Variants in NBEAL1 observed in about 807,000 individuals in gnomAD.
NBEAL1 encodes neurobeachin-like protein 1.
Under a neutral mutation model 351.3 loss-of-function variants are expected in NBEAL1, and 273 were observed. That is an observed-to-expected ratio of 0.78 (90% CI 0.70 to 0.86). The LOEUF is 0.86. Among genes scored for constraint, NBEAL1 ranks in the 40% least tolerant of loss-of-function variants. The pLI is 0.00. For synonymous variants in NBEAL1, 1,050 were observed against 1,086.4 expected, an observed-to-expected ratio of 0.97 and a Z score of 0.66; for missense variants, 2,961 against 3,201.3, an observed-to-expected ratio of 0.92 and a Z score of 1.81.
chr2:203,169,734 C>T lies in NBEAL1; in HGVS notation c.5998-13C>T. On this transcript the variant is annotated splice_polypyrimidine_tract_variant and intron_variant, in intron 38 of 55. Transcript: ENST00000683969. ...TGATTCATTTTTAAAGTATAAAATG[C>T]TGTTTTTTATAGGTTAGAAACAAAA... The T allele has an allele frequency of 6.8e-7, 1 of 1,466,024 alleles. No homozygotes were observed. Among genetic ancestry groups the T allele is most frequent in the South Asian group, 1.2e-5 (1 of 83,012 alleles). The allele number at this position is 1,466,024 out of a possible 1,614,324, so 90.8% of individuals were successfully genotyped here. A position where few individuals can be genotyped will look rare whatever the true frequency, so the allele number is the denominator to read the frequency against.
chr2:203,116,683 G>A (rs1321840975), intron 18 of NBEAL1, among the ~76,000 whole-genome samples: 1 of 151,220 alleles, frequency 6.6e-6, no homozygotes, highest in Admixed American at 6.6e-5. Context: ...CCAGCTACTT[G>A]GGAGGCAAAG....
rs1375748696 is a variant in NBEAL1 at position 203,217,963 on chromosome 2, A to C, written c.*609A>C. ...GTTACTGAAATCTATTACTGTCCTT[A>C]ATAAAAATTGAGTAGAAAAAAGTGG... is the stretch of plus-strand genomic sequence containing the variant. On this transcript the variant is annotated 3_prime_UTR_variant, in exon 56 of 56. Coordinates refer to ENST00000683969, the MANE Select transcript of NBEAL1 (RefSeq NM_001378026.1). The C allele has an allele frequency of 3.3e-5, 31 of 928,910 alleles. No individual in the cohort carries two copies. The highest frequency in any genetic ancestry group is 3.9e-5 in the Non-Finnish European group (30 of 778,676). 57.5% of individuals were successfully genotyped at this position (928,910 alleles called of 1,614,324 possible).
chr2:203,030,083 A>T (rs975342539), intron 2 of NBEAL1, among the ~76,000 whole-genome samples: 2 of 152,234 alleles, frequency 1.3e-5, no homozygotes, highest in Non-Finnish European at 2.9e-5. Flanking sequence ...TAGTTACAGA[A>T]GATGTTCCAG....
chr2:203,172,053 G>C (rs1428951309), intron 40 of NBEAL1, 30 bp downstream of exon 40: 3 of 1,310,502 alleles, frequency 2.3e-6, no homozygotes, highest in Admixed American at 4.5e-5. Flanking sequence ...TATAAATGTG[G>C]AATTGCCCTA....
chr2:203,142,689 A>G (rs1211861942), intron 31 of NBEAL1, among the ~76,000 whole-genome samples: 1 of 152,206 alleles, frequency 6.6e-6, no homozygotes, highest in Non-Finnish European at 1.5e-5. Flanking sequence ...TGGATATTTA[A>G]CTTTTTATGT....
At position 203,183,329 on chromosome 2, in the gene NBEAL1, A is replaced by G; in HGVS notation, c.6646A>G (p.Ile2216Val). The change falls in exon 44 of 56, where the codon ATT becomes GTT. Residue 2216 changes from isoleucine (I) to valine (V), a missense_variant. Transcript: ENST00000683969. ...QISKELVNDV[I>V]LPKWAKSAED... ...TTCCAAAGAATTAGTAAATGATGTC[A>G]TTCTCCCGAAATGGGCTAAATCAGC... is the stretch of plus-strand genomic sequence containing the variant. The G allele has an allele frequency of 2.5e-6, 4 of 1,604,068 alleles. No homozygotes were observed. Among genetic ancestry groups the G allele is most frequent in the Non-Finnish European group, 3.4e-6 (4 of 1,176,102 alleles).
chr2:203,044,798 A>G (rs569358079), intron 3 of NBEAL1, among the ~76,000 whole-genome samples: 1 of 152,342 alleles, frequency 6.6e-6, no homozygotes, highest in Non-Finnish European at 1.5e-5. Flanking sequence ...CTGACCTTAG[A>G]GAATTCATAA....
intron 10 of NBEAL1, among the ~76,000 whole-genome samples, chr2:203,092,558 C>CT (rs1053922462): frequency 2.0e-4 from 31 of 152,194 alleles, no homozygotes; most frequent in African/African-American, 6.7e-4. Flanking sequence ...GAGTGAGACT[C>CT]TGTCTCAAAA....
intron 25 of NBEAL1, 123 bp downstream of exon 25, chr2:203,130,599 T>G: frequency 5.1e-6 from 3 of 592,306 alleles, no homozygotes; most frequent in Non-Finnish European, 7.5e-6. Flanking sequence ...GATGTTCAAC[T>G]TATTTTTATA....
At position 203,108,130 on chromosome 2, in the gene NBEAL1, C is replaced by T. The variant is rs752435785; in HGVS notation, c.1891C>T (p.Gln631Ter). 5.2e-6 allele frequency: 8 copies of T among 1,552,042 alleles called. No homozygotes were observed. Among genetic ancestry groups the T allele is most frequent in the Non-Finnish European group, 7.0e-6 (8 of 1,147,070 alleles). ...TTTCAGTGCTTGGTTTTGCTTAGAC[C>T]AGGATCAGTTGACTCTTGGCATTGC... ...FSFSAWFCLDQDQLTLGIANK... is the reference protein window; with the variant it reads ...FSFSAWFCLD Residue 631 changes from glutamine (Q) to a stop codon, truncating the protein, a stop_gained, in exon 14 of 56, where the codon CAG (glutamine) becomes TAG (stop). Coordinates refer to ENST00000683969, the MANE Select transcript of NBEAL1 (RefSeq NM_001378026.1). LOFTEE classifies it high-confidence loss of function.
chr2:203,128,377 G>A (rs2062994797), intron 24 of NBEAL1, among the ~76,000 whole-genome samples: 1 of 150,800 alleles, frequency 6.6e-6, no homozygotes, highest in South Asian at 2.1e-4. Context: ...CAAAGTGCTA[G>A]GATTACAGGC....
intron 35 of NBEAL1, among the ~76,000 whole-genome samples, chr2:203,152,408 G>A (rs1249337645): frequency 6.1e-5 from 9 of 147,074 alleles, no homozygotes; most frequent in African/African-American, 2.2e-4. Flanking sequence ...GGCCAACATA[G>A]TGAAACCCCG....
chr2:203,166,109 T>C (rs775201453), intron 36 of NBEAL1, 40 bp from the exon 37 acceptor site: 1 of 1,490,292 alleles, frequency 6.7e-7, no homozygotes, highest in East Asian at 2.5e-5. Context: ...GAAAAATAAA[T>C]GGTTGAATTT....
intron 46 of NBEAL1, among the ~76,000 whole-genome samples, 196 bp from the exon 47 acceptor site, chr2:203,193,599 A>G (rs1559054219): frequency 1.3e-5 from 2 of 152,192 alleles, no homozygotes; most frequent in African/African-American, 2.4e-5. Context: ...GAAAAACTTT[A>G]AAGTAGAAGT....
intron 27 of NBEAL1, among the ~76,000 whole-genome samples, chr2:203,133,951 T>C (rs1157901358): frequency 6.6e-6 from 1 of 152,050 alleles, no homozygotes; most frequent in Non-Finnish European, 1.5e-5. Flanking sequence ...GACATTTAGG[T>C]TGTTTCCTGC....
chr2:203,160,944 G>A (rs576962029), intron 36 of NBEAL1, among the ~76,000 whole-genome samples: 1 of 152,282 alleles, frequency 6.6e-6, no homozygotes, highest in South Asian at 2.1e-4. Flanking sequence ...TATAATCCCA[G>A]CTATTCAGGA....
Position 203,166,027 on chromosome 2 carries a change from A to G in NBEAL1, c.5715-122A>G, listed in dbSNP as rs2064119103. ...GTGCCACTGCACTCCAGCCTGGGTG[A>G]CAGCAAGACCTTGTCTCAAAAAAAA... On this transcript the variant is annotated intron_variant, in intron 36 of 55. Coordinates refer to ENST00000683969, the MANE Select transcript of NBEAL1 (RefSeq NM_001378026.1). 4 of 871,362 alleles carry G rather than the reference A, an allele frequency of 4.6e-6. No individual in the cohort carries two copies. In the South Asian group the frequency reaches 6.9e-5, roughly 15 times the overall value. The allele number at this position is 871,362 out of a possible 1,614,324, so 54.0% of individuals were successfully genotyped here. A position where few individuals can be genotyped will look rare whatever the true frequency, so the allele number is the denominator to read the frequency against.
chr2:203,211,240 A>C, intron 54 of NBEAL1, 134 bp downstream of exon 54: 2 of 561,970 alleles, frequency 3.6e-6, no homozygotes, highest in East Asian at 7.1e-5. Flanking sequence ...TTTAGCAAGT[A>C]TAAAAAATTG....
intron 37 of NBEAL1, 70 bp downstream of exon 37, chr2:203,166,367 A>G: frequency 7.2e-7 from 1 of 1,383,720 alleles, no homozygotes; most frequent in Non-Finnish European, 9.9e-7. Context: ...ATCATGAATG[A>G]GAAGAAGAAA....
Sources: allele counts gnomAD v4.1 joint callset (sites outside exome capture counted in the v4.1 genomes callset), GRCh38; gene constraint gnomAD v4.1.1; transcripts MANE v1.5; gene names NCBI Gene and HGNC (gene_info 2026-07-23, HGNC 2026-07-21).